DLG2: variants seen among roughly 807,000 people sequenced by gnomAD.
DLG2 encodes disks large homolog 2.
DLG2 carries 45 observed loss-of-function variants against 132.5 expected under a neutral mutation model. The ratio of observed to expected loss-of-function variants is 0.34; its 90% CI spans 0.27 to 0.44. The LOEUF is 0.44. Ranked by LOEUF, DLG2 falls within the 20% of genes least tolerant of loss-of-function variation. The pLI, the probability that DLG2 is intolerant of heterozygous loss-of-function variation, is 1.00. For synonymous variants in DLG2, 424 were observed against 419.6 expected, an observed-to-expected ratio of 1.01 and a Z score of -0.13; for missense variants, 1,045 against 1,196.9, an observed-to-expected ratio of 0.87 and a Z score of 1.87.
rs58082149 is a variant in DLG2 at position 85,566,654 on chromosome 11, T to C, written c.40+32003A>G. Reference sequence around the variant, plus strand: ...CCCATTCACAAGGGGTCTGTCCTCATGCCCTAATTAACTCTCACAGGCCCC... The same window carrying C: ...CCCATTCACAAGGGGTCTGTCCTCACGCCCTAATTAACTCTCACAGGCCCC... On this transcript the variant is annotated intron_variant, in intron 3 of 27. Coordinates refer to ENST00000376104, the MANE Select transcript of DLG2 (RefSeq NM_001142699.3). 1.1e-3 allele frequency among the ~76,000 whole-genome samples: 167 copies of C among 152,226 alleles called. 1 individual carries two copies. The highest frequency in any genetic ancestry group is 3.9e-3 in the African/African-American group (162 of 41,550).
intron 17 of DLG2, among the ~76,000 whole-genome samples, chr11:83,828,141 A>T (rs2053427572): frequency 6.6e-6 from 1 of 152,146 alleles, no homozygotes; most frequent in Non-Finnish European, 1.5e-5. Flanking sequence ...ACAATGCATG[A>T]ACACTAGATG....
intron 11 of DLG2, among the ~76,000 whole-genome samples, chr11:83,991,416 A>T (rs1286555847): frequency 6.6e-6 from 1 of 152,178 alleles, no homozygotes. Flanking sequence ...ATTCTGAAAA[A>T]TTCACATTTC....
chr11:85,104,946 A>C (rs1471324768), intron 6 of DLG2, among the ~76,000 whole-genome samples: 4 of 151,332 alleles, frequency 2.6e-5, no homozygotes, highest in African/African-American at 7.3e-5. Flanking sequence ...GAGGTCCACA[A>C]ATCAGTCAAG....
chr11:84,754,824 T>C (rs1281725059), intron 6 of DLG2, among the ~76,000 whole-genome samples: 3 of 152,184 alleles, frequency 2.0e-5, no homozygotes, highest in Non-Finnish European at 4.4e-5. Flanking sequence ...ATTACTCAAT[T>C]GTTACAAATT....
chr11:85,058,361 T>C (rs1234841219), intron 6 of DLG2, among the ~76,000 whole-genome samples: 2 of 151,538 alleles, frequency 1.3e-5, no homozygotes, highest in Non-Finnish European at 3.0e-5. Flanking sequence ...ACACAGTGAA[T>C]TATAAAGTAT....
chr11:83,955,052 T>C (rs759452081), intron 14 of DLG2, among the ~76,000 whole-genome samples: 10 of 152,214 alleles, frequency 6.6e-5, no homozygotes, highest in Non-Finnish European at 1.3e-4. Context: ...GTGGTTTTAT[T>C]TGTATCACGG....
chr11:85,605,435 T>C (rs2080461362), intron 2 of DLG2, among the ~76,000 whole-genome samples: 1 of 152,216 alleles, frequency 6.6e-6, no homozygotes, highest in African/African-American at 2.4e-5. Flanking sequence ...AATGTTCAAA[T>C]TTAGTCTTTT....
chr11:83,929,727 G>T (rs949446938), intron 15 of DLG2, among the ~76,000 whole-genome samples: 2 of 152,022 alleles, frequency 1.3e-5, no homozygotes, highest in Admixed American at 6.6e-5. Context: ...TTAAATAAGA[G>T]AATATATATA....
intron 13 of DLG2, among the ~76,000 whole-genome samples, chr11:83,964,385 A>T (rs1032894382): frequency 1.3e-5 from 2 of 152,058 alleles, no homozygotes; most frequent in Non-Finnish European, 2.9e-5. Flanking sequence ...AAGAAAAGCA[A>T]TAGCTAATGC....
rs1554999805 is a variant in DLG2, at chr11:84,527,935, C to CTCTCTCTCTT, written c.519+6634_519+6635insAAGAGAGAGA. 2.7e-5 allele frequency among the ~76,000 whole-genome samples: 4 copies of CTCTCTCTCTT among 145,862 alleles called. No individual in the cohort carries two copies. The East Asian group carries it at 7.9e-4, about 29-fold the overall frequency. ...TCTCTCTCTCTCTCTCTCTCTCTCT[C>CTCTCTCTCTT]GCTAATAAATACTCCTACAGGGCAC... On this transcript the variant is annotated intron_variant, in intron 7 of 27. Transcript: ENST00000376104.
chr11:85,418,141 T>C (rs1352676532), intron 3 of DLG2, among the ~76,000 whole-genome samples: 1 of 152,188 alleles, frequency 6.6e-6, no homozygotes, highest in Non-Finnish European at 1.5e-5. Context: ...CAGTACACTT[T>C]GTTTTTGTTC....
At chr11:84,406,245 C>T (rs1030443014) in intron 7 of DLG2, among the ~76,000 whole-genome samples, 23 of 152,284 alleles carry the variant, frequency 1.5e-4, no homozygotes, top group South Asian at 6.2e-4. Flanking sequence ...TCTTCTCTGT[C>T]TGCCCTTGCC....
At chr11:84,047,314 AAAG>A (rs933120545) in intron 11 of DLG2, among the ~76,000 whole-genome samples, 25 of 151,798 alleles carry the variant, frequency 1.6e-4, no homozygotes, top group African/African-American at 5.1e-4. Context: ...AAGTAAACAA[AAAG>A]AAGAACACTT....
At chr11:85,280,696 T>C (rs920904832) in intron 4 of DLG2, among the ~76,000 whole-genome samples, 2 of 151,842 alleles carry the variant, frequency 1.3e-5, no homozygotes, top group Non-Finnish European at 2.9e-5. Context: ...TCACCATAAT[T>C]GGGAGCTAAA....
At chr11:84,099,187 G>C (rs1358645815) in intron 9 of DLG2, 140 bp from the exon 10 acceptor site, 3 of 699,760 alleles carry the variant, frequency 4.3e-6, no homozygotes, top group Non-Finnish European at 4.7e-6. Flanking sequence ...AAAGTGCACA[G>C]TTAGCAGACA....
chr11:83,642,219 AAG>A (rs2066777737), intron 18 of DLG2, among the ~76,000 whole-genome samples: 1 of 152,208 alleles, frequency 6.6e-6, no homozygotes, highest in African/African-American at 2.4e-5. Context: ...ATGCTAACGT[AAG>A]TGCTTGCTGA....
At chr11:83,991,570 C>A (rs2093712025) in intron 11 of DLG2, among the ~76,000 whole-genome samples, 2 of 151,638 alleles carry the variant, frequency 1.3e-5, no homozygotes, top group Non-Finnish European at 2.9e-5. Flanking sequence ...TATTCAGTTC[C>A]TTAGCCTCAA....
At chr11:83,789,190 T>C (rs1390184582) in intron 17 of DLG2, among the ~76,000 whole-genome samples, 1 of 152,222 alleles carries the variant, frequency 6.6e-6, no homozygotes, top group Non-Finnish European at 1.5e-5. Flanking sequence ...TTCATGATTC[T>C]AAATAAATCT....
At chr11:84,902,227 A>G (rs1225185933) in intron 6 of DLG2, among the ~76,000 whole-genome samples, 2 of 152,160 alleles carry the variant, frequency 1.3e-5, no homozygotes, top group Non-Finnish European at 2.9e-5. Flanking sequence ...ACAAATTCCC[A>G]GATGGCAAAT....
Sources: allele counts gnomAD v4.1 joint callset (sites outside exome capture counted in the v4.1 genomes callset), GRCh38; gene constraint gnomAD v4.1.1; transcripts MANE v1.5; gene names NCBI Gene and HGNC (gene_info 2026-07-23, HGNC 2026-07-21).